The following TGFA variants were observed in gnomAD, a reference collection of about 807,000 sequenced individuals.
TGFA encodes the protein protransforming growth factor alpha.
Under a neutral mutation model 21.7 loss-of-function variants are expected in TGFA, and 12 were observed. The observed-to-expected ratio is 0.55, with a 90% confidence interval of 0.35 to 0.90. The LOEUF (loss-of-function observed/expected upper bound fraction) is 0.90. TGFA is among the 40% of genes least tolerant of loss of function. The probability of loss-of-function intolerance (pLI) is 0.01; values close to 1 mark genes in which losing one functional copy is unlikely to be tolerated. For synonymous variants in TGFA, 79 were observed against 88.1 expected, an observed-to-expected ratio of 0.90 and a Z score of 0.58; for missense variants, 178 against 210.8, an observed-to-expected ratio of 0.84 and a Z score of 0.96.
chr2:70,510,743 G>A (rs538900670), intron 2 of TGFA, among the ~76,000 whole-genome samples: 65 of 152,246 alleles, frequency 4.3e-4, no homozygotes, highest in Non-Finnish European at 5.7e-4. Context: ...TATATTTGGG[G>A]ATCTAAGAGA....
chr2:70,461,867 A>G (rs1208638448), intron 3 of TGFA, among the ~76,000 whole-genome samples: 2 of 152,208 alleles, frequency 1.3e-5, no homozygotes, highest in Non-Finnish European at 2.9e-5. Flanking sequence ...TAAATATGTA[A>G]GGCTAGTTTT....
At chr2:70,527,987 G>A (rs782117645) in intron 1 of TGFA, among the ~76,000 whole-genome samples, 1 of 152,206 alleles carries the variant, frequency 6.6e-6, no homozygotes, top group Non-Finnish European at 1.5e-5. Flanking sequence ...GAGCAGCCTT[G>A]TACGGAGCAC....
intron 2 of TGFA, 98 bp downstream of exon 2, chr2:70,514,761 G>A (rs1363300558): frequency 7.7e-7 from 1 of 1,292,842 alleles, no homozygotes; most frequent in South Asian, 1.2e-5. Flanking sequence ...TGTGCTCGGT[G>A]GGCAGGAGGC....
intron 2 of TGFA, among the ~76,000 whole-genome samples, chr2:70,510,498 T>A (rs1672062194): frequency 6.6e-6 from 1 of 151,972 alleles, no homozygotes; most frequent in Admixed American, 6.6e-5. Context: ...GTCCAATAGA[T>A]GAGGAAACAA....
chr2:70,471,442 G>A (rs1293979219), intron 2 of TGFA, among the ~76,000 whole-genome samples: 16 of 152,314 alleles, frequency 1.1e-4, no homozygotes, highest in Admixed American at 7.2e-4. Context: ...GGGCTTGTGC[G>A]CCCCTAGGGT....
chr2:70,468,481 G>C (rs1204865283), intron 2 of TGFA: 1 of 152,274 alleles, frequency 6.6e-6, no homozygotes, highest in Non-Finnish European at 1.5e-5. Context: ...TGCATAACTG[G>C]CTTCTCTGTG....
Position 70,515,612 on chromosome 2 carries a change from T to A in TGFA, c.41-700A>T, listed in dbSNP as rs11466218. ...GGATATTGCCTCCTCCCTGCCAGGA[T>A]GTACTAGGTACCTGGATCAGGGGGA... On this transcript the variant is annotated intron_variant, in intron 1 of 5. Transcript: ENST00000295400. Among the ~76,000 whole-genome samples, 1,332 of 152,234 alleles carry A rather than the reference T, an allele frequency of 8.7e-3. 16 individuals are homozygous for A. The highest frequency in any genetic ancestry group is 0.03 in the African/African-American group (1,254 of 41,530).
chr2:70,528,440 A>G (rs1672706905), intron 1 of TGFA, among the ~76,000 whole-genome samples: 1 of 151,550 alleles, frequency 6.6e-6, no homozygotes, highest in African/African-American at 2.4e-5. Context: ...GGAGGCCGAG[A>G]AAAACAATGA....
rs1553492099 is a variant in TGFA at position 70,465,705 on chromosome 2, G to C, written c.126C>G (p.Ser42=). Reference sequence around the variant, plus strand: ...GGGAATCTGGGCAGTCATTAAAATGGGACACCACTGCTGCAGCCACGGGCG... The same window carrying C: ...GGGAATCTGGGCAGTCATTAAAATGCGACACCACTGCTGCAGCCACGGGCG... The part of the protein sequence containing the change: ...ADPPVAAAVV[S]HFNDCPDSHT... The change falls in exon 3 of 6, where the codon TCC becomes TCG. Residue 42 remains serine (S), a synonymous_variant. Coordinates refer to ENST00000295400, the MANE Select transcript of TGFA (RefSeq NM_003236.4). The C allele has an allele frequency of 3.1e-6, 5 of 1,613,982 alleles. No homozygotes were observed. The highest frequency in any genetic ancestry group is 3.3e-5 in the Admixed American group (2 of 59,988).
chr2:70,545,491 A>C (rs958465507), intron 1 of TGFA, among the ~76,000 whole-genome samples: 30 of 152,202 alleles, frequency 2.0e-4, no homozygotes, highest in African/African-American at 6.5e-4. Context: ...TGGAATTTCA[A>C]ACCACAGGGG....
chr2:70,503,579 T>TAAAAA (rs372379367), intron 2 of TGFA, among the ~76,000 whole-genome samples: 1 of 134,476 alleles, frequency 7.4e-6, no homozygotes. Flanking sequence ...ATAATAATAA[T>TAAAAA]AATAAAAAAA....
intron 2 of TGFA, 66 bp downstream of exon 2, chr2:70,514,793 G>GC: frequency 6.4e-7 from 1 of 1,551,444 alleles, no homozygotes; most frequent in Non-Finnish European, 8.8e-7. Flanking sequence ...CTCTTGAGGA[G>GC]CCACACAGCA....
intron 1 of TGFA, among the ~76,000 whole-genome samples, chr2:70,534,292 G>A (rs186960300): frequency 2.6e-5 from 4 of 152,344 alleles, no homozygotes; most frequent in African/African-American, 9.6e-5. Context: ...TGCTCTCGCA[G>A]GTTCTATCTT....
chr2:70,467,908 G>C (rs1354345711), intron 2 of TGFA, among the ~76,000 whole-genome samples: 6 of 152,176 alleles, frequency 3.9e-5, no homozygotes, highest in Admixed American at 3.9e-4. Context: ...AAAAACATGG[G>C]CTTTGCAGTC....
At chr2:70,473,756 A>G (rs1353586708) in intron 2 of TGFA, among the ~76,000 whole-genome samples, 2 of 152,178 alleles carry the variant, frequency 1.3e-5, no homozygotes, top group Admixed American at 6.5e-5. Flanking sequence ...CAAGATCACT[A>G]TCTTTTAAAC....
intron 2 of TGFA, among the ~76,000 whole-genome samples, chr2:70,467,078 C>G (rs782346019): frequency 2.6e-5 from 4 of 152,020 alleles, no homozygotes; most frequent in Non-Finnish European, 5.9e-5. Context: ...GGGAAAAGAA[C>G]TAATGCATGC....
chr2:70,526,709 C>T (rs1215596011), intron 1 of TGFA, among the ~76,000 whole-genome samples: 2 of 152,188 alleles, frequency 1.3e-5, no homozygotes, highest in African/African-American at 4.8e-5. Context: ...ACCAACCCTG[C>T]TCTAGTCCAT....
At chr2:70,485,452 G>A (rs1169268933) in intron 2 of TGFA, among the ~76,000 whole-genome samples, 2 of 152,178 alleles carry the variant, frequency 1.3e-5, no homozygotes, top group African/African-American at 4.8e-5. Context: ...TGGCCAGGCT[G>A]GTCTCGAACT....
intron 1 of TGFA, chr2:70,553,303 C>A: frequency 6.6e-7 from 1 of 1,526,058 alleles, no homozygotes; most frequent in South Asian, 1.2e-5. Context: ...AGGCAAGACC[C>A]GGCCAGAGGG....
Sources: gnomAD v4.1 joint callset for allele counts (sites outside exome capture counted in the v4.1 genomes callset) on GRCh38, gnomAD v4.1.1 for gene constraint, MANE v1.5 for transcripts, NCBI Gene and HGNC (gene_info 2026-07-23, HGNC 2026-07-21) for gene names.